The following PKD1 variants were observed in gnomAD, a reference collection of about 807,000 sequenced individuals.
PKD1 encodes the protein polycystin-1.
PKD1 carries 81 observed loss-of-function variants against 361.7 expected under a neutral mutation model. The ratio of observed to expected loss-of-function variants is 0.22; its 90% CI spans 0.19 to 0.27. PKD1 has a LOEUF of 0.27. Among genes scored for constraint, PKD1 ranks in the 10% least tolerant of loss-of-function variants. The pLI, the probability that PKD1 is intolerant of heterozygous loss-of-function variation, is 1.00. For missense variants in PKD1, 6,399 were observed against 6,118.3 expected (o/e 1.05, Z -1.53); for synonymous variants, 3,615 against 2,818.3 (o/e 1.28, Z -8.95).
At chr16:2,097,266 G>A (rs376413385) in intron 33 of PKD1, 25 bp from the exon 34 acceptor site, 75 of 1,602,754 alleles carry the variant, frequency 4.7e-5, no homozygotes, top group Non-Finnish European at 5.3e-5. Context: ...GGCATAGGGT[G>A]GGCCCAGCTG....
chr16:2,097,654 C>A (rs375673229), intron 32 of PKD1, 74 bp downstream of exon 32: 2 of 1,610,648 alleles, frequency 1.2e-6, no homozygotes, highest in Non-Finnish European at 1.7e-6. Flanking sequence ...AGCAAGGACA[C>A]GCAGCCCGCA....
Position 2,118,770 on chromosome 16 carries a change from C to T in PKD1, c.435G>A (p.Val145=), listed in dbSNP as rs1251969066. The stretch of plus-strand genomic sequence containing the variant: ...TGGCTGCCTCGGGCTGCACCACCCG[C>T]ACCTGCTGCTCCTCCGCCCATCGCG... ...WLPRWAEEQQ[V]RVVQPEAATC... The change falls in exon 4 of 46, where the codon GTG becomes GTA. Residue 145 remains valine, a synonymous_variant. Transcript: ENST00000262304. This position sits in a 1 kb window ranked among gnomAD's most constrained non-coding sequence, Gnocchi z 6.0. The T allele has an allele frequency of 2.1e-6, 3 of 1,416,668 alleles. No individual in the cohort carries two copies. The highest frequency in any genetic ancestry group is 2.9e-6 in the Non-Finnish European group (3 of 1,020,970). 87.8% of individuals were successfully genotyped at this position (1,416,668 alleles called of 1,614,324 possible).
In PKD1 at chr16:2,103,816, C is replaced by T. The variant is rs1289797360; in HGVS notation, c.8241G>A (p.Met2747Ile). 6.2e-7 allele frequency: 1 copy of T among 1,609,120 alleles called. No individual in the cohort carries two copies. Among genetic ancestry groups the T allele is most frequent in the Non-Finnish European group, 8.5e-7 (1 of 1,179,346 alleles). Reference protein sequence around the residue: ...SELGAESPSRMVASQAYNLTS... With the variant: ...SELGAESPSRIVASQAYNLTS... ...TCAGGTTGTAGGCCTGGGACGCCAC[C>T]ATCCGAGATGGTGACTCGGCTCCCA... is the stretch of plus-strand genomic sequence containing the variant. Residue 2747 changes from methionine to isoleucine, a missense_variant, in exon 23 of 46, where the codon ATG (methionine) becomes ATA (isoleucine). Physicochemically the swap from Met to Ile is conservative, Grantham distance 10. Coordinates refer to ENST00000262304, the MANE Select transcript of PKD1 (RefSeq NM_001009944.3).
chr16:2,092,635 T>A (rs770813996), intron 38 of PKD1, 43 bp from the exon 39 acceptor site: 1 of 1,382,428 alleles, frequency 7.2e-7, no homozygotes, highest in African/African-American at 1.4e-5. Context: ...TACTGCCCCA[T>A]GCCCGCCTCG....
rs749408339 is a variant in PKD1 at position 2,092,437 on chromosome 16, A to C, written c.11269+43T>G. 9 of 1,354,374 alleles carry C rather than the reference A, an allele frequency of 6.6e-6. No homozygotes were observed. The East Asian group carries it at 1.2e-4, about 17-fold the overall frequency. 83.9% of individuals were successfully genotyped at this position (1,354,374 alleles called of 1,614,324 possible). A position where few individuals can be genotyped will look rare whatever the true frequency, so the allele number is the denominator to read the frequency against. ...CTCCGCTAAAGGCTGCTCTCTCAAC[A>C]AGAGGAACGATTTAAGTCTTGGGGC... On this transcript the variant is annotated intron_variant, in intron 39 of 45. Transcript: ENST00000262304.
rs1267632239 is a variant in PKD1, at chr16:2,108,810, G to A, written c.6357C>T (p.Asp2119=). 1 of 1,568,784 alleles carries A rather than the reference G, an allele frequency of 6.4e-7. No homozygotes were observed. Among genetic ancestry groups the A allele is most frequent in the Non-Finnish European group, 8.6e-7 (1 of 1,158,002 alleles). Residue 2119 remains aspartate (D), a synonymous_variant, in exon 15 of 46, where the codon GAC becomes GAT. Transcript: ENST00000262304. Reference sequence around the variant, plus strand: ...TGGAGGCGTTCACCTGCACGCGGTAGTCCCCAGGCCTCAGGTAGGAGTGCT... The same window carrying A: ...TGGAGGCGTTCACCTGCACGCGGTAATCCCCAGGCCTCAGGTAGGAGTGCT... The part of the protein sequence containing the change: ...RAEHSYLRPG[D]YRVQVNASNL...
chr16:2,135,703 C>G lies in PKD1; in HGVS notation c.-14G>C. The G allele has an allele frequency of 1.1e-6, 1 of 897,946 alleles. No individual in the cohort carries two copies. Among genetic ancestry groups the G allele is most frequent in the Non-Finnish European group, 1.3e-6 (1 of 752,852 alleles). The allele number at this position is 897,946 out of a possible 1,614,324, so 55.6% of individuals were successfully genotyped here. ...GGCGGGCGGCATCGTTAGGGCAGCGCGCGCATGGCCCCGCCGTCCCCAGGC... is the reference window on the plus strand; with the variant it reads ...GGCGGGCGGCATCGTTAGGGCAGCGGGCGCATGGCCCCGCCGTCCCCAGGC... On this transcript the variant is annotated 5_prime_UTR_variant, in exon 1 of 46. Coordinates refer to ENST00000262304, the MANE Select transcript of PKD1 (RefSeq NM_001009944.3).
In PKD1 at chr16:2,104,466, G is replaced by A. The variant is rs529810918; in HGVS notation, c.8161+32C>T. ...GGCAGAGGAAAGGGCCGCACGGGGC[G>A]GGCGGGTGGCATGGGGCACGGGCCG... On this transcript the variant is annotated intron_variant, in intron 22 of 45. Transcript: ENST00000262304. 634 of 1,483,514 alleles carry A rather than the reference G, an allele frequency of 4.3e-4. 24 individuals are homozygous for A. In the African/African-American group the frequency reaches 5.5e-3, roughly 13 times the overall value. 91.9% of individuals were successfully genotyped at this position (1,483,514 alleles called of 1,614,324 possible). A position where few individuals can be genotyped will look rare whatever the true frequency, so the allele number is the denominator to read the frequency against.
chr16:2,104,007 G>A (rs1279620215), intron 22 of PKD1, 112 bp from the exon 23 acceptor site: 2 of 390,066 alleles, frequency 5.1e-6, no homozygotes, highest in South Asian at 1.8e-5. Context: ...AACCTGAGGG[G>A]GCAGAGAGCG....
At chr16:2,103,938 G>A (rs774022924) in intron 22 of PKD1, 43 bp from the exon 23 acceptor site, 5 of 1,387,008 alleles carry the variant, frequency 3.6e-6, no homozygotes, top group South Asian at 1.2e-5. Context: ...GGGAGGTAGA[G>A]GGAGGGTGGG....
rs2432397 is a variant in PKD1 at position 2,117,419 on chromosome 16, G to A, written c.1385+70C>T. On this transcript the variant is annotated intron_variant, in intron 6 of 45. Transcript: ENST00000262304. ...ACCTCCTTCCTCCTGAGACTCCCCA[G>A]CCGCAGGCTCTGCCCCAGTGCTTCA... The A allele has an allele frequency of 6.7e-3, 8,117 of 1,214,842 alleles. 68 individuals are homozygous for A. Among genetic ancestry groups the A allele is most frequent in the Non-Finnish European group, 6.3e-3 (5,497 of 868,392 alleles). The allele number at this position is 1,214,842 out of a possible 1,614,324, so 75.3% of individuals were successfully genotyped here. A position where few individuals can be genotyped will look rare whatever the true frequency, so the allele number is the denominator to read the frequency against.
At position 2,111,665 on chromosome 16, in the gene PKD1, G is replaced by A. The variant is rs146887330; in HGVS notation, c.3502C>T (p.Pro1168Ser). ...GCCGGCTGGCTCTGGGTCAGGACAG[G>A]GGAGCCGTCCCCGAAGTCCCACGTG... ...LYTWDFGDGS[P>S]VLTQSQPAAN... The change falls in exon 15 of 46, where the codon CCT becomes TCT. Residue 1168 changes from proline to serine, a missense_variant. Physicochemically the swap from Pro to Ser is moderately conservative, Grantham distance 74 (BLOSUM62 -1). Transcript: ENST00000262304. 27,849 of 1,574,942 alleles carry A rather than the reference G, an allele frequency of 0.018. 312 individuals are homozygous for A. Among genetic ancestry groups the A allele is most frequent in the Non-Finnish European group, 0.02 (23,446 of 1,161,686 alleles).
In PKD1 at chr16:2,114,590, G is replaced by C. The variant is rs756852012; in HGVS notation, c.2433C>G (p.Leu811=). Residue 811 remains leucine, a synonymous_variant, in exon 11 of 46, where the codon CTC becomes CTG. Coordinates refer to ENST00000262304, the MANE Select transcript of PKD1 (RefSeq NM_001009944.3). The stretch of plus-strand genomic sequence containing the variant: ...GGGAGACCACGTCAAAGCTGCAGGA[G>C]AGGTTGTGCCTGGACACGCCATTGC... The part of the protein sequence containing the change: ...EVGNGVSRHN[L]SCSFDVVSPV... The C allele has an allele frequency of 7.0e-5, 112 of 1,592,958 alleles. No homozygotes were observed. In the Middle Eastern group the frequency reaches 9.1e-4, roughly 13 times the overall value.
chr16:2,125,816 G>A (rs1010944641), intron 1 of PKD1, among the ~76,000 whole-genome samples: 1 of 152,096 alleles, frequency 6.6e-6, no homozygotes, highest in Non-Finnish European at 1.5e-5. Context: ...TGACCCCCTT[G>A]CATCCCTCTC....
chr16:2,110,112 G>A lies in PKD1; in HGVS notation c.5055C>T (p.Leu1685=). 1.9e-6 allele frequency: 3 copies of A among 1,609,672 alleles called. No individual in the cohort carries two copies. The highest frequency in any genetic ancestry group is 2.5e-6 in the Non-Finnish European group (3 of 1,179,384). The change falls in exon 15 of 46, where the codon CTC becomes CTT. Residue 1685 remains leucine (L), a synonymous_variant. Transcript: ENST00000262304. ...GGTAGGTGCCGGCCTCGAGCACGGT[G>A]AGCGAGAAGCCTTTGCCGCTGCCGG... ...ALAGSGKGFS[L]TVLEAGTYHV...
intron 42 of PKD1, 35 bp downstream of exon 42, chr16:2,091,388 T>C (rs1292424393): frequency 9.7e-7 from 1 of 1,035,718 alleles, no homozygotes; most frequent in Non-Finnish European, 1.1e-6. Context: ...ACGCTGCCGG[T>C]GGGAGGCGCG....
intron 42 of PKD1, 42 bp from the exon 43 acceptor site, chr16:2,091,216 G>A (rs765485582): frequency 7.3e-5 from 85 of 1,167,540 alleles, no homozygotes; most frequent in South Asian, 1.0e-4. Flanking sequence ...GACGCTGCCG[G>A]GGCGGGGCCC....
At chr16:2,128,663 G>A (rs1296597701) in intron 1 of PKD1, among the ~76,000 whole-genome samples, 8 of 152,182 alleles carry the variant, frequency 5.3e-5, no homozygotes, top group Admixed American at 1.3e-4. Flanking sequence ...GGCTCAGCGC[G>A]GAGCCCGGCG....
In PKD1 at chr16:2,118,477, C is replaced by A; in HGVS notation, c.530-15G>T. 7.7e-7 allele frequency: 1 copy of A among 1,302,026 alleles called. No individual in the cohort carries two copies. The highest frequency in any genetic ancestry group is 1.1e-6 in the Non-Finnish European group (1 of 932,104). The allele number at this position is 1,302,026 out of a possible 1,614,324, so 80.7% of individuals were successfully genotyped here. A position where few individuals can be genotyped will look rare whatever the true frequency, so the allele number is the denominator to read the frequency against. On this transcript the variant is annotated splice_polypyrimidine_tract_variant and intron_variant, in intron 4 of 45. Coordinates refer to ENST00000262304, the MANE Select transcript of PKD1 (RefSeq NM_001009944.3). The surrounding 1 kb of genome is among the most constrained non-coding windows in gnomAD (Gnocchi z 6.0). ...ATACTCCTCACCTAGAAGAGGCAGC[C>A]ACTGGACCCCGGGTTCTGCTCCTCC...
Sources: gnomAD v4.1 joint callset for allele counts (sites outside exome capture counted in the v4.1 genomes callset) on GRCh38, gnomAD v4.1.1 for gene constraint, Gnocchi (gnomAD v3.1) non-coding constraint, MANE v1.5 for transcripts, NCBI Gene and HGNC (gene_info 2026-07-23, HGNC 2026-07-21) for gene names.